The following LRRC8C variants were observed in gnomAD, a reference collection of about 807,000 sequenced individuals.
LRRC8C encodes the protein leucine rich repeat containing 8 VRAC subunit C, also known as volume-regulated anion channel subunit LRRC8C.
A neutral mutation model predicts 55.3 loss-of-function variants in LRRC8C; 20 were observed. The observed-to-expected ratio is 0.36, with a 90% CI of 0.25 to 0.53. The LOEUF (loss-of-function observed/expected upper bound fraction) is 0.53. Among genes scored for constraint, LRRC8C ranks in the 20% least tolerant of loss-of-function variants. The probability of loss-of-function intolerance (pLI) is 0.92; values close to 1 mark genes in which losing one functional copy is unlikely to be tolerated. For synonymous variants in LRRC8C, 376 were observed against 360.7 expected, an observed-to-expected ratio of 1.04 and a Z score of -0.48; for missense variants, 659 against 951.4, an observed-to-expected ratio of 0.69 and a Z score of 4.04.
At chr1:89,643,017 CAAAAA>C (rs34145647) in intron 1 of LRRC8C, among the ~76,000 whole-genome samples, 72 of 109,508 alleles carry the variant, frequency 6.6e-4, no homozygotes, top group African/African-American at 1.9e-3. Flanking sequence ...GACTGTGTCT[CAAAAA>C]AAAAAAAAAA....
the LRRC8C span, among the ~76,000 whole-genome samples, chr1:89,617,556 T>C: frequency 6.6e-6 from 1 of 152,228 alleles, no homozygotes; most frequent in African/African-American, 2.4e-5. Context: ...CTCCAGTGGC[T>C]TGATCTACTT....
At chr1:89,624,480 G>A in the LRRC8C span, among the ~76,000 whole-genome samples, 2 of 152,220 alleles carry the variant, frequency 1.3e-5, no homozygotes, top group African/African-American at 4.8e-5. Context: ...GCTAACAAGA[G>A]TATGTAACAG....
At chr1:89,659,564 C>T (rs1233600012) in intron 1 of LRRC8C, among the ~76,000 whole-genome samples, 3 of 152,096 alleles carry the variant, frequency 2.0e-5, no homozygotes, top group African/African-American at 2.4e-5. Context: ...AACCTTAGCT[C>T]GTGTTATGAT....
intron 1 of LRRC8C, among the ~76,000 whole-genome samples, chr1:89,659,957 G>A (rs948586959): frequency 1.3e-5 from 2 of 152,152 alleles, no homozygotes; most frequent in African/African-American, 2.4e-5. Context: ...GGTGAAGAGA[G>A]CAAGTAGGAA....
At chr1:89,659,794 G>A (rs747813976) in intron 1 of LRRC8C, among the ~76,000 whole-genome samples, 8 of 152,144 alleles carry the variant, frequency 5.3e-5, no homozygotes, top group African/African-American at 9.7e-5. Context: ...TGTACATGTG[G>A]ACTAGCTCTG....
intron 1 of LRRC8C, among the ~76,000 whole-genome samples, chr1:89,646,070 A>G (rs910286580): frequency 3.9e-5 from 6 of 152,110 alleles, no homozygotes; most frequent in African/African-American, 1.4e-4. Context: ...GCTGGATTAG[A>G]TTCCCAAAAG....
the LRRC8C span, among the ~76,000 whole-genome samples, chr1:89,620,564 G>A: frequency 0.048 from 5,945 of 125,044 alleles, 388 homozygotes; most frequent in African/African-American, 0.17. Context: ...TGCAAAGTTC[G>A]GGAAGATGAT....
intron 1 of LRRC8C, among the ~76,000 whole-genome samples, chr1:89,666,559 C>T (rs1210268923): frequency 2.0e-5 from 3 of 152,220 alleles, no homozygotes; most frequent in African/African-American, 7.2e-5. Context: ...CTCAGGTGGC[C>T]TCTTTGACTT....
At chr1:89,619,499 T>G in the LRRC8C span, among the ~76,000 whole-genome samples, 1 of 149,946 alleles carries the variant, frequency 6.7e-6, no homozygotes, top group Non-Finnish European at 1.5e-5. Context: ...TAATTATATG[T>G]ATATTATATG....
intron 2 of LRRC8C, among the ~76,000 whole-genome samples, chr1:89,706,097 T>C (rs771902958): frequency 8.5e-5 from 13 of 152,142 alleles, no homozygotes; most frequent in Non-Finnish European, 1.9e-4. Context: ...TCACACTAAT[T>C]ACTGATTTAT....
intron 1 of LRRC8C, among the ~76,000 whole-genome samples, chr1:89,667,215 C>G (rs1657291882): frequency 6.6e-6 from 1 of 152,082 alleles, no homozygotes; most frequent in Non-Finnish European, 1.5e-5. Flanking sequence ...CTTTTTATAA[C>G]CCTAATGACT....
chr1:89,676,833 C>T (rs1049830421), intron 1 of LRRC8C, among the ~76,000 whole-genome samples: 6 of 152,122 alleles, frequency 3.9e-5, no homozygotes, highest in Non-Finnish European at 8.8e-5. Flanking sequence ...AATATTCTCC[C>T]GTGAGTGTAT....
intron 2 of LRRC8C, among the ~76,000 whole-genome samples, chr1:89,697,205 A>G (rs1309137443): frequency 6.6e-6 from 1 of 152,194 alleles, no homozygotes; most frequent in Non-Finnish European, 1.5e-5. Context: ...AGATATTTTT[A>G]TTTGCTAAAA....
chr1:89,631,011 G>T (rs927113748), upstream of LRRC8C, among the ~76,000 whole-genome samples: 15 of 152,188 alleles, frequency 9.9e-5, no homozygotes, highest in African/African-American at 3.6e-4. Flanking sequence ...CAAAAGTATT[G>T]CAATAAAGCA....
chr1:89,708,154 A>G (rs905759920), intron 2 of LRRC8C, among the ~76,000 whole-genome samples: 1 of 150,752 alleles, frequency 6.6e-6, no homozygotes. Context: ...ACGTAACTCC[A>G]TTCTCAAGCC....
intron 1 of LRRC8C, among the ~76,000 whole-genome samples, chr1:89,641,627 C>T (rs1330229092): frequency 6.6e-6 from 1 of 152,072 alleles, no homozygotes; most frequent in African/African-American, 2.4e-5. Context: ...GTCTATCCAT[C>T]TCATTACATT....
intron 2 of LRRC8C, among the ~76,000 whole-genome samples, chr1:89,690,379 T>C (rs1657995740): frequency 6.6e-6 from 1 of 151,856 alleles, no homozygotes; most frequent in Non-Finnish European, 1.5e-5. Context: ...AAGGAGAAGG[T>C]TAGATTTGGG....
Position 89,714,100 on chromosome 1 carries a change from G to A in LRRC8C, c.1530G>A (p.Met510Ile), listed in dbSNP as rs1349783906. ...FDDMRELPPWMYGLRNLEELY... is the reference protein window; with the variant it reads ...FDDMRELPPWIYGLRNLEELY... ...ACATGAGGGAACTCCCCCCCTGGAT[G>A]TATGGGCTCCGAAATCTGGAAGAGC... The change falls in exon 3 of 3, where the codon ATG (methionine) becomes ATA (isoleucine). Residue 510 changes from methionine to isoleucine, a missense_variant. By Grantham distance (10) the Met-to-Ile change is conservative (BLOSUM62 1). This residue lies in a region of LRRC8C where 344 missense variants were observed against 464.6 expected (regional missense o/e 0.74). Transcript: ENST00000370454. This position sits in a 1 kb window ranked among gnomAD's most constrained non-coding sequence, Gnocchi z 4.6. The A allele has an allele frequency of 1.9e-6, 3 of 1,614,010 alleles. No individual in the cohort carries two copies. The highest frequency in any genetic ancestry group is 1.7e-6 in the Non-Finnish European group (2 of 1,180,038).
chr1:89,701,849 C>T (rs1034439524), intron 2 of LRRC8C, among the ~76,000 whole-genome samples: 5 of 152,268 alleles, frequency 3.3e-5, no homozygotes, highest in Admixed American at 2.0e-4. Flanking sequence ...ACAAATGGAA[C>T]GCTGAATGGG....
Sources: allele counts gnomAD v4.1 joint callset (sites outside exome capture counted in the v4.1 genomes callset), GRCh38; gene constraint gnomAD v4.1.1; regional missense constraint gnomAD v4.1.1; non-coding constraint Gnocchi (gnomAD v3.1); transcripts MANE v1.5; gene names NCBI Gene and HGNC (gene_info 2026-07-23, HGNC 2026-07-21).